Variants in ROBO2 observed in about 807,000 individuals in gnomAD.
The protein encoded by ROBO2 is roundabout homolog 2.
A neutral mutation model predicts 160.8 loss-of-function variants in ROBO2; 53 were observed. The ratio of observed to expected loss-of-function variants is 0.33; its 90% CI spans 0.26 to 0.41. The LOEUF is 0.41. Among genes scored for constraint, ROBO2 ranks in the 10% least tolerant of loss-of-function variants. ROBO2 has a pLI of 1.00. For synonymous variants in ROBO2, 664 were observed against 611.7 expected, an observed-to-expected ratio of 1.09 and a Z score of -1.26; for missense variants, 1,577 against 1,722.4, an observed-to-expected ratio of 0.92 and a Z score of 1.49.
At chr3:77,186,845 C>T (rs889257369) in intron 2 of ROBO2, among the ~76,000 whole-genome samples, 2 of 151,786 alleles carry the variant, frequency 1.3e-5, no homozygotes, top group African/African-American at 2.4e-5. Context: ...CTTTAACTTC[C>T]TTTGATTAGG....
chr3:77,107,286 C>T (rs976539217), intron 2 of ROBO2, among the ~76,000 whole-genome samples: 1 of 152,068 alleles, frequency 6.6e-6, no homozygotes, highest in Non-Finnish European at 1.5e-5. Flanking sequence ...ACGTTCTGAC[C>T]ACAGCTCTGG....
At chr3:76,726,590 T>C (rs949377944) in intron 2 of ROBO2, among the ~76,000 whole-genome samples, 1 of 152,148 alleles carries the variant, frequency 6.6e-6, no homozygotes, top group Non-Finnish European at 1.5e-5. Flanking sequence ...CTCTGTAAGG[T>C]CCCAAGTGTG....
At chr3:77,573,939 C>A (rs926464807) in intron 13 of ROBO2, among the ~76,000 whole-genome samples, 1 of 151,900 alleles carries the variant, frequency 6.6e-6, no homozygotes, top group African/African-American at 2.4e-5. Flanking sequence ...CACCTCAGCT[C>A]ATGAGGGCAG....
chr3:77,153,494 T>C (rs960410395), intron 2 of ROBO2, among the ~76,000 whole-genome samples: 1 of 152,146 alleles, frequency 6.6e-6, no homozygotes, highest in Admixed American at 6.6e-5. Context: ...TAGAAGTGTG[T>C]AATTTCTGAA....
chr3:76,942,344 T>C (rs2149117943), intron 2 of ROBO2, among the ~76,000 whole-genome samples: 1 of 152,340 alleles, frequency 6.6e-6, no homozygotes, highest in East Asian at 1.9e-4. Context: ...ATGGACTAAG[T>C]AGAACATGCG....
intron 2 of ROBO2, among the ~76,000 whole-genome samples, chr3:76,777,566 T>A (rs1177472795): frequency 1.3e-5 from 2 of 150,940 alleles, no homozygotes; most frequent in Non-Finnish European, 3.0e-5. Flanking sequence ...TTTTTTTTTT[T>A]AACAAAACGT....
At chr3:76,867,755 A>G (rs541303160) in intron 2 of ROBO2, among the ~76,000 whole-genome samples, 11 of 152,296 alleles carry the variant, frequency 7.2e-5, no homozygotes, top group African/African-American at 2.4e-4. Flanking sequence ...AAACCATTGC[A>G]TTTTGTTGGG....
In ROBO2 at chr3:77,628,293, T is replaced by A. The variant is rs181602115; in HGVS notation, c.3760+5861T>A. Among the ~76,000 whole-genome samples the A allele has an allele frequency of 3.2e-4, 48 of 152,338 alleles. No individual in the cohort carries two copies. In the East Asian group the frequency reaches 9.1e-3, roughly 29 times the overall value. Reference sequence around the variant, plus strand: ...AATTTGTAAGAAGCCTCTAGCCGAATTGGTTTTACCTGGTGTTCATTTTAA... The same window carrying A: ...AATTTGTAAGAAGCCTCTAGCCGAAATGGTTTTACCTGGTGTTCATTTTAA... On this transcript the variant is annotated intron_variant, in intron 23 of 25. Coordinates refer to ENST00000461745, the Ensembl canonical transcript of ROBO2.
chr3:76,657,473 C>A (rs907379076), intron 2 of ROBO2, among the ~76,000 whole-genome samples: 1 of 150,784 alleles, frequency 6.6e-6, no homozygotes, highest in African/African-American at 2.4e-5. Flanking sequence ...TGGCCAGCTG[C>A]GGTGGCTCAC....
intron 2 of ROBO2, among the ~76,000 whole-genome samples, chr3:77,368,639 A>G (rs551524053): frequency 6.6e-6 from 1 of 152,348 alleles, no homozygotes; most frequent in East Asian, 1.9e-4. Context: ...GTGCAAACAC[A>G]TTTTACATGT....
chr3:76,426,175 G>GA (rs2076213095), intron 2 of ROBO2, among the ~76,000 whole-genome samples: 1 of 152,154 alleles, frequency 6.6e-6, no homozygotes, highest in South Asian at 2.1e-4. Context: ...TGTGTTAAAT[G>GA]AAAGAGGTTA....
intron 2 of ROBO2, among the ~76,000 whole-genome samples, chr3:77,031,652 GAC>G (rs1447516632): frequency 2.1e-5 from 3 of 142,834 alleles, no homozygotes; most frequent in African/African-American, 5.1e-5. Context: ...TTATATATAA[GAC>G]ACATAATATA....
At position 77,227,808 on chromosome 3, in the gene ROBO2, C is replaced by A. The variant is rs2086665793; in HGVS notation, c.388+129468C>A. Among the ~76,000 whole-genome samples, 3 of 152,336 alleles carry A rather than the reference C, an allele frequency of 2.0e-5. No homozygotes were observed. In the South Asian group the frequency reaches 6.2e-4, roughly 32 times the overall value. On this transcript the variant is annotated intron_variant, in intron 2 of 25. Transcript: ENST00000461745. ...TGATTGTTCTTTCAACTGCCTTACT[C>A]TGTCATTGACTGTCAAGTCAGTCAA...
chr3:76,919,184 A>G (rs2076514852), intron 2 of ROBO2, among the ~76,000 whole-genome samples: 1 of 152,136 alleles, frequency 6.6e-6, no homozygotes, highest in African/African-American at 2.4e-5. Flanking sequence ...GTACCCCGGA[A>G]CTTAAAAAAA....
At chr3:76,606,643 T>C (rs967602219) in intron 2 of ROBO2, among the ~76,000 whole-genome samples, 2 of 152,098 alleles carry the variant, frequency 1.3e-5, no homozygotes, top group South Asian at 2.1e-4. Flanking sequence ...ACTTATTCTG[T>C]TGGTTTTTTT....
chr3:76,854,022 CT>C (rs747925878), intron 2 of ROBO2, among the ~76,000 whole-genome samples: 935 of 10,256 alleles, frequency 0.091, 7 homozygotes, highest in Middle Eastern at 0.21. Context: ...TAGACTTTCT[CT>C]CTCTCTCTCT....
In ROBO2 at chr3:76,113,166, G is replaced by A. The variant is rs992838937; in HGVS notation, c.109+175564G>A. On this transcript the variant is annotated intron_variant, in intron 2 of 26. Transcript: ENST00000487694. ...TGTTTATTCTTGATACAAAAACAAC[G>A]TTAATCATTAAAGACTTATGTAATT... is the stretch of plus-strand genomic sequence containing the variant. Among the ~76,000 whole-genome samples, 9 of 152,032 alleles carry A rather than the reference G, an allele frequency of 5.9e-5. No individual in the cohort carries two copies. The East Asian group carries it at 7.7e-4, about 13-fold the overall frequency.
At chr3:77,616,560 G>A (rs1164076134) in intron 21 of ROBO2, among the ~76,000 whole-genome samples, 1 of 152,156 alleles carries the variant, frequency 6.6e-6, no homozygotes, top group Non-Finnish European at 1.5e-5. Flanking sequence ...GATTGTGGGA[G>A]TGGGGGTGAA....
chr3:77,433,775 G>C (rs1185159980), intron 2 of ROBO2, among the ~76,000 whole-genome samples: 1 of 151,804 alleles, frequency 6.6e-6, no homozygotes, highest in Non-Finnish European at 1.5e-5. Flanking sequence ...TGACTCTTCA[G>C]TCAGAGACTG....
Sources: allele counts gnomAD v4.1 joint callset (sites outside exome capture counted in the v4.1 genomes callset), GRCh38; gene constraint gnomAD v4.1.1; transcripts MANE v1.5; gene names NCBI Gene and HGNC (gene_info 2026-07-23, HGNC 2026-07-21).